The following TUBGCP3 variants were observed in gnomAD, a reference collection of about 807,000 sequenced individuals.
TUBGCP3 encodes the protein gamma-tubulin complex component 3.
In TUBGCP3, 50 loss-of-function variants were observed where a neutral mutation model predicts 123.1. That is an observed-to-expected ratio of 0.41 (90% CI 0.32 to 0.51). The LOEUF is 0.51. TUBGCP3 is among the 20% of genes least tolerant of loss of function. The pLI is 0.36. For synonymous variants in TUBGCP3, 405 were observed against 413.9 expected (o/e 0.98, Z 0.26); for missense variants, 882 against 1,127.0 (o/e 0.78, Z 3.11).
Position 112,545,782 on chromosome 13 carries a change from T to C in TUBGCP3, c.1252A>G (p.Ile418Val), listed in dbSNP as rs753281283. The C allele has an allele frequency of 1.9e-6, 3 of 1,614,076 alleles. No homozygotes were observed. The South Asian group carries it at 3.3e-5, about 18-fold the overall frequency. ...ACAGGATGAGACACGAGGCTGAGGA[T>C]GTGCTGCACCAGAGACCGCATGTAC... ...DPYMRSLVQHILSLVSHPVLS... is the reference protein window; with the variant it reads ...DPYMRSLVQHVLSLVSHPVLS... Residue 418 changes from isoleucine (I) to valine (V), a missense_variant, in exon 11 of 22, where the codon ATC (isoleucine) becomes GTC (valine). Ile to Val is a conservative substitution (Grantham distance 29, BLOSUM62 3). This residue lies in a region of TUBGCP3 where 713 missense variants were observed against 874.0 expected (regional missense o/e 0.82). Transcript: ENST00000261965. The surrounding 1 kb of genome is among the most constrained non-coding windows in gnomAD (Gnocchi z 4.1).
intron 1 of TUBGCP3, among the ~76,000 whole-genome samples, chr13:112,581,599 C>A (rs7319577): frequency 0.29 from 44,213 of 151,810 alleles, 7,000 homozygotes; most frequent in African/African-American, 0.4. Flanking sequence ...GTATGTGTCA[C>A]CACATCCAGC....
Position 112,485,795 on chromosome 13 carries a change from G to A in TUBGCP3, c.*198C>T, listed in dbSNP as rs1005014142. On this transcript the variant is annotated 3_prime_UTR_variant, in exon 22 of 22. Transcript: ENST00000261965. The stretch of plus-strand genomic sequence containing the variant: ...GTGCAGCCAGCCTACTTGACTTAGG[G>A]ATTTACAAATGCATTCGACTCCGAC... 8 of 614,556 alleles carry A rather than the reference G, an allele frequency of 1.3e-5. No individual in the cohort carries two copies. Among genetic ancestry groups the A allele is most frequent in the African/African-American group, 3.7e-5 (2 of 53,886 alleles). The allele number at this position is 614,556 out of a possible 1,614,324, so 38.1% of individuals were successfully genotyped here.
intron 21 of TUBGCP3, among the ~76,000 whole-genome samples, chr13:112,486,721 CTG>C (rs937754889): frequency 2.0e-5 from 3 of 152,250 alleles, no homozygotes; most frequent in African/African-American, 7.2e-5. Flanking sequence ...TCCCCTAACT[CTG>C]ATAAGACGAA....
chr13:112,515,340 C>T (rs1277269942), intron 17 of TUBGCP3, among the ~76,000 whole-genome samples: 2 of 152,148 alleles, frequency 1.3e-5, no homozygotes, highest in Admixed American at 6.5e-5. Flanking sequence ...AAGAAAGATG[C>T]TGCCTCGTGA....
rs1426777868 is a variant in TUBGCP3 at position 112,519,214 on chromosome 13, C to G, written c.1882-171G>C. On this transcript the variant is annotated intron_variant, in intron 15 of 21. Coordinates refer to ENST00000261965, the MANE Select transcript of TUBGCP3 (RefSeq NM_006322.6). This position sits in a 1 kb window ranked among gnomAD's most constrained non-coding sequence, Gnocchi z 6.2. ...ACCTCACCAATTAGGCAATAATGAG[C>G]ACACAGTAGGTGCTCTGCAAACATC... 6.6e-6 allele frequency among the ~76,000 whole-genome samples: 1 copy of G among 152,218 alleles called. No homozygotes were observed. The highest frequency in any genetic ancestry group is 1.5e-5 in the Non-Finnish European group (1 of 68,030).
chr13:112,499,174 A>G lies in TUBGCP3; in HGVS notation c.2319T>C (p.Asn773=), dbSNP rs1880723081. 1.3e-5 allele frequency: 21 copies of G among 1,608,666 alleles called. No individual in the cohort carries two copies. The highest frequency in any genetic ancestry group is 1.8e-5 in the Non-Finnish European group (21 of 1,178,038). The stretch of plus-strand genomic sequence containing the variant: ...TTTGATCAAACACAGCTCTAAGTTG[A>G]TTTAAAAGTGCCTGAAAGAGATGAC... ...LLDSDSRALL[N]QLRAVFDQII... The change falls in exon 20 of 22, where the codon AAT becomes AAC. Residue 773 remains asparagine (N), a synonymous_variant. Coordinates refer to ENST00000261965, the MANE Select transcript of TUBGCP3 (RefSeq NM_006322.6).
At chr13:112,506,053 A>C (rs2139008939) in intron 17 of TUBGCP3, among the ~76,000 whole-genome samples, 1 of 152,350 alleles carries the variant, frequency 6.6e-6, no homozygotes, top group Non-Finnish European at 1.5e-5. Flanking sequence ...CCAGTAACAA[A>C]CGATGTTTAA....
At chr13:112,548,068 T>G in intron 9 of TUBGCP3, 40 bp downstream of exon 9, 1 of 1,461,440 alleles carries the variant, frequency 6.8e-7, no homozygotes, top group South Asian at 1.3e-5. Flanking sequence ...TTGTAACACT[T>G]CAAATCATAA....
At chr13:112,599,719 C>G in the TUBGCP3 span, among the ~76,000 whole-genome samples, 1 of 152,000 alleles carries the variant, frequency 6.6e-6, no homozygotes, top group Non-Finnish European at 1.5e-5. Context: ...CGGGGATTCG[C>G]TGTGTTGGCC....
intron 8 of TUBGCP3, among the ~76,000 whole-genome samples, chr13:112,551,776 TAAAAG>T (rs1182109149): frequency 1.3e-5 from 2 of 149,146 alleles, no homozygotes; most frequent in Non-Finnish European, 3.0e-5. Context: ...AGAAAGAAGA[TAAAAG>T]AAGAGCCTCT....
chr13:112,559,372 G>A lies in TUBGCP3; in HGVS notation c.280C>T (p.Leu94Phe). ...TCACTGAGGCTCAGCAAGAGGTAGA[G>A]TATTGACCATTTATTTTTCAAAACT... ...QGVLKNKWSI[L>F]YLLLSLSEDP... The change falls in exon 4 of 22, where the codon CTC (leucine) becomes TTC (phenylalanine). Residue 94 changes from leucine (L) to phenylalanine (F), a missense_variant. By Grantham distance (22) the Leu-to-Phe change is conservative (BLOSUM62 0). Around this residue, in one of 3 missense-constraint regions of TUBGCP3, gnomAD observed 713 missense variants for 874.0 expected, o/e 0.82. Coordinates refer to ENST00000261965, the MANE Select transcript of TUBGCP3 (RefSeq NM_006322.6). The A allele has an allele frequency of 6.2e-7, 1 of 1,604,490 alleles. No individual in the cohort carries two copies. Among genetic ancestry groups the A allele is most frequent in the South Asian group, 1.1e-5 (1 of 90,030 alleles).
chr13:112,504,774 G>A (rs986775749), intron 17 of TUBGCP3, 60 bp from the exon 18 acceptor site: 75 of 1,363,180 alleles, frequency 5.5e-5, no homozygotes, highest in East Asian at 2.3e-4. Flanking sequence ...ACAACGCGCT[G>A]TTCTCCCTTA....
chr13:112,527,280 G>A lies in TUBGCP3; in HGVS notation c.1446+94C>T, dbSNP rs959886621. On this transcript the variant is annotated intron_variant, in intron 12 of 21. Transcript: ENST00000261965. ...TCCAGAACGTTAACAATCTCAAAAC[G>A]CATGAAATTTTAACTGAAAATTGGT... is the stretch of plus-strand genomic sequence containing the variant. The A allele has an allele frequency of 6.7e-5, 64 of 950,954 alleles. 1 individual carries two copies. Among genetic ancestry groups the A allele is most frequent in the African/African-American group, 3.0e-4 (18 of 60,692 alleles). The allele number at this position is 950,954 out of a possible 1,614,324, so 58.9% of individuals were successfully genotyped here.
At chr13:112,589,267 C>A (rs1332883264), upstream of TUBGCP3, among the ~76,000 whole-genome samples, 2 of 152,254 alleles carry the variant, frequency 1.3e-5, no homozygotes, top group Non-Finnish European at 2.9e-5. Context: ...AATCCTGCCA[C>A]CCTCTCCCCC....
chr13:112,517,789 G>A (rs528249306), intron 16 of TUBGCP3, among the ~76,000 whole-genome samples: 1 of 152,160 alleles, frequency 6.6e-6, no homozygotes, highest in African/African-American at 2.4e-5. Flanking sequence ...TACTTGGGAG[G>A]GTGAGGCAGG....
At chr13:112,592,494 G>A (rs1275943251), upstream of TUBGCP3, among the ~76,000 whole-genome samples, 5 of 152,206 alleles carry the variant, frequency 3.3e-5, no homozygotes, top group Non-Finnish European at 7.3e-5. This position sits in a 1 kb window ranked among gnomAD's most constrained non-coding sequence, Gnocchi z 4.1. Context: ...AAGGTTAGGT[G>A]TGTCTGTGAA....
At chr13:112,560,841 G>T (rs1880460184) in intron 3 of TUBGCP3, among the ~76,000 whole-genome samples, 1 of 152,240 alleles carries the variant, frequency 6.6e-6, no homozygotes, top group South Asian at 2.1e-4. Flanking sequence ...CCCTGATGGA[G>T]TGTGTCTCAT....
At chr13:112,503,010 C>T (rs1309525834) in intron 19 of TUBGCP3, among the ~76,000 whole-genome samples, 1 of 152,160 alleles carries the variant, frequency 6.6e-6, no homozygotes, top group Non-Finnish European at 1.5e-5. Context: ...AAATTCATGG[C>T]TGGCTAACCT....
Position 112,569,279 on chromosome 13 carries a change from A to T in TUBGCP3, c.77-20T>A. 1 of 1,613,082 alleles carries T rather than the reference A, an allele frequency of 6.2e-7. No homozygotes were observed. Among genetic ancestry groups the T allele is most frequent in the Non-Finnish European group, 8.5e-7 (1 of 1,179,322 alleles). On this transcript the variant is annotated intron_variant, in intron 1 of 21. Coordinates refer to ENST00000261965, the MANE Select transcript of TUBGCP3 (RefSeq NM_006322.6). ...CATCAGCTGAAAGACAAACAAAAGG[A>T]TGCGGATTGTTACCAACCAGGTTAC...
Sources: gnomAD v4.1 joint callset for allele counts (sites outside exome capture counted in the v4.1 genomes callset) on GRCh38, gnomAD v4.1.1 for gene constraint, gnomAD v4.1.1 regional missense constraint, Gnocchi (gnomAD v3.1) non-coding constraint, MANE v1.5 for transcripts, NCBI Gene and HGNC (gene_info 2026-07-23, HGNC 2026-07-21) for gene names.